Variants in PRKN observed in about 807,000 individuals in gnomAD.
The protein encoded by PRKN is parkin RBR E3 ubiquitin protein ligase, also known as E3 ubiquitin-protein ligase parkin.
PRKN carries 56 observed loss-of-function variants against 59.5 expected under a neutral mutation model. The ratio of observed to expected loss-of-function variants is 0.94; its 90% CI spans 0.76 to 1.18. The LOEUF (loss-of-function observed/expected upper bound fraction) is 1.18. PRKN is among the 50% of genes most tolerant of loss of function. The pLI, the probability that PRKN is intolerant of heterozygous loss-of-function variation, is 0.00. For missense variants in PRKN, 657 were observed against 596.4 expected (o/e 1.10, Z -1.06); for synonymous variants, 250 against 222.1 (o/e 1.13, Z -1.12).
At position 161,396,583 on chromosome 6, in the gene PRKN, G is replaced by A. The variant is rs560582505; in HGVS notation, c.1084-9706C>T. On this transcript the variant is annotated intron_variant, in intron 9 of 11. Coordinates refer to ENST00000366898, the MANE Select transcript of PRKN (RefSeq NM_004562.3). The surrounding 1 kb of genome is among the most constrained non-coding windows in gnomAD (Gnocchi z 5.4). ...GAATATGGCCATTCATTAGTAAAAC[G>A]CACAGCATATGTCTTCTATAATTTT... Among the ~76,000 whole-genome samples, 1 of 152,220 alleles carries A rather than the reference G, an allele frequency of 6.6e-6. No individual in the cohort carries two copies. The highest frequency in any genetic ancestry group is 1.5e-5 in the Non-Finnish European group (1 of 68,024).
At chr6:161,721,806 A>G (rs755135616) in intron 7 of PRKN, among the ~76,000 whole-genome samples, 60 of 152,266 alleles carry the variant, frequency 3.9e-4, no homozygotes, top group Admixed American at 1.0e-3. Context: ...ACACTTAAAA[A>G]TCACTGCTCC....
intron 7 of PRKN, among the ~76,000 whole-genome samples, chr6:161,765,313 A>T (rs1035506941): frequency 6.6e-6 from 1 of 152,210 alleles, no homozygotes; most frequent in Admixed American, 6.5e-5. Flanking sequence ...CGCATAGTGG[A>T]AAATGAACAA....
At chr6:162,225,660 A>C (rs1473493033) in intron 3 of PRKN, among the ~76,000 whole-genome samples, 1 of 152,122 alleles carries the variant, frequency 6.6e-6, no homozygotes, top group Non-Finnish European at 1.5e-5. Context: ...AGCCAACTCC[A>C]ATGCTGTACA....
At chr6:162,102,617 T>C (rs535463170) in intron 4 of PRKN, among the ~76,000 whole-genome samples, 14 of 152,230 alleles carry the variant, frequency 9.2e-5, no homozygotes, top group African/African-American at 3.1e-4. Context: ...GCAGGTATTT[T>C]ATCTAAAAGA....
chr6:161,786,640 T>G (rs1027183001), intron 6 of PRKN, among the ~76,000 whole-genome samples: 1 of 152,106 alleles, frequency 6.6e-6, no homozygotes, highest in Admixed American at 6.5e-5. Context: ...GTTATAACAA[T>G]AGAATCTGAA....
At chr6:162,498,507 G>C (rs1426780312) in intron 1 of PRKN, among the ~76,000 whole-genome samples, 1 of 129,640 alleles carries the variant, frequency 7.7e-6, no homozygotes, top group African/African-American at 3.0e-5. Context: ...GTGCAATGGT[G>C]CGATCTCGGT....
At chr6:161,913,099 G>A (rs925835191) in intron 6 of PRKN, among the ~76,000 whole-genome samples, 5 of 150,714 alleles carry the variant, frequency 3.3e-5, no homozygotes, top group African/African-American at 4.9e-5. Flanking sequence ...GCCCAGAGGC[G>A]GAGGCTGCAG....
At chr6:161,520,668 T>C (rs1778787435) in intron 9 of PRKN, among the ~76,000 whole-genome samples, 1 of 152,208 alleles carries the variant, frequency 6.6e-6, no homozygotes, top group African/African-American at 2.4e-5. Context: ...CTGGGTCTTA[T>C]TTAATTGGTG....
chr6:161,925,782 T>A (rs1330507640), intron 6 of PRKN, among the ~76,000 whole-genome samples: 3 of 152,152 alleles, frequency 2.0e-5, no homozygotes, highest in African/African-American at 7.2e-5. Flanking sequence ...GGAGATTCAA[T>A]GGGGATAAAA....
In PRKN at chr6:161,523,766, C is replaced by G. The variant is rs534610379; in HGVS notation, c.1083+25088G>C. Among the ~76,000 whole-genome samples, 4 of 152,186 alleles carry G rather than the reference C, an allele frequency of 2.6e-5. No individual in the cohort carries two copies. In the East Asian group the frequency reaches 5.8e-4, roughly 22 times the overall value. On this transcript the variant is annotated intron_variant, in intron 9 of 11. Transcript: ENST00000366898. ...GTAAGTATTTATCTTAAAATGGTAT[C>G]CTTTTATCTTTCTCTGTTCCTCCTC...
At chr6:162,428,490 CAAAT>C (rs1789350430) in intron 2 of PRKN, among the ~76,000 whole-genome samples, 2 of 152,294 alleles carry the variant, frequency 1.3e-5, no homozygotes, top group Non-Finnish European at 2.9e-5. Flanking sequence ...TTAAACCTCT[CAAAT>C]AAAGTTTATT....
At chr6:161,998,038 T>C (rs1018208563) in intron 5 of PRKN, among the ~76,000 whole-genome samples, 3 of 152,138 alleles carry the variant, frequency 2.0e-5, no homozygotes, top group African/African-American at 4.8e-5. Flanking sequence ...AAGAACCACA[T>C]ATACTGCAAA....
At chr6:161,933,612 C>T (rs1002760883) in intron 6 of PRKN, among the ~76,000 whole-genome samples, 7 of 152,070 alleles carry the variant, frequency 4.6e-5, no homozygotes, top group Non-Finnish European at 8.8e-5. Context: ...GTCTTCAGAC[C>T]ACACTTTGTC....
At chr6:161,727,662 T>G (rs772670551) in intron 7 of PRKN, among the ~76,000 whole-genome samples, 8 of 152,194 alleles carry the variant, frequency 5.3e-5, no homozygotes, top group Non-Finnish European at 1.0e-4. Context: ...TAAGTCCCCC[T>G]TTAAGCCTTC....
intron 7 of PRKN, among the ~76,000 whole-genome samples, chr6:161,638,900 CCTAG>C (rs1783631747): frequency 6.6e-6 from 1 of 151,954 alleles, no homozygotes; most frequent in Admixed American, 6.6e-5. Context: ...TGCCACCATA[CCTAG>C]CTAATTTCTG....
rs145052248 is a variant in PRKN, at chr6:161,378,708, G to A, written c.1167+8086C>T. Among the ~76,000 whole-genome samples the A allele has an allele frequency of 5.4e-3, 815 of 152,324 alleles. 8 individuals are homozygous for A. The highest frequency in any genetic ancestry group is 7.6e-3 in the Non-Finnish European group (520 of 68,040). ...CCAGAAGCTGTTGACCTGATGAGAC[G>A]GATGGACCAGGCTTGCACGATGCCG... On this transcript the variant is annotated intron_variant, in intron 10 of 11. Transcript: ENST00000366898. This position sits in a 1 kb window ranked among gnomAD's most constrained non-coding sequence, Gnocchi z 7.3.
chr6:162,225,920 T>A (rs1227262426), intron 3 of PRKN, among the ~76,000 whole-genome samples: 1 of 148,114 alleles, frequency 6.8e-6, no homozygotes, highest in Non-Finnish European at 1.5e-5. Flanking sequence ...TTGTTATATA[T>A]TTATACTTCT....
At chr6:162,374,603 C>G (rs1407224793) in intron 2 of PRKN, among the ~76,000 whole-genome samples, 5 of 151,212 alleles carry the variant, frequency 3.3e-5, no homozygotes, top group African/African-American at 1.2e-4. Context: ...CCAAACTTTA[C>G]TGTTGGCTTC....
At position 162,448,220 on chromosome 6, in the gene PRKN, T is replaced by A. The variant is rs115984486; in HGVS notation, c.8-4747A>T. On this transcript the variant is annotated intron_variant, in intron 1 of 11. Transcript: ENST00000366898. ...GCGGCAACACAAAAGTAACTCCACATGTTTCCAAATGTCCCTTGCCTGGGA... is the reference window on the plus strand; with the variant it reads ...GCGGCAACACAAAAGTAACTCCACAAGTTTCCAAATGTCCCTTGCCTGGGA... Among the ~76,000 whole-genome samples the A allele has an allele frequency of 9.7e-3, 1,467 of 151,026 alleles. 30 individuals are homozygous for A. Among genetic ancestry groups the A allele is most frequent in the African/African-American group, 0.034 (1,388 of 40,516 alleles).
Sources: gnomAD v4.1 joint callset for allele counts (sites outside exome capture counted in the v4.1 genomes callset) on GRCh38, gnomAD v4.1.1 for gene constraint, Gnocchi (gnomAD v3.1) non-coding constraint, MANE v1.5 for transcripts, NCBI Gene and HGNC (gene_info 2026-07-23, HGNC 2026-07-21) for gene names.